Variants in TEKT5 observed in about 807,000 individuals in gnomAD.
TEKT5 encodes tektin-5.
In TEKT5, 52 loss-of-function variants were observed where a neutral mutation model predicts 48.7. The ratio of observed to expected loss-of-function variants is 1.07; its 90% confidence interval spans 0.86 to 1.35. TEKT5 has a LOEUF of 1.35. TEKT5 is among the 40% of genes most tolerant of loss of function. The pLI, the probability that TEKT5 is intolerant of heterozygous loss-of-function variation, is 0.00. For synonymous variants in TEKT5, 318 were observed against 267.6 expected, an observed-to-expected ratio of 1.19 and a Z score of -1.84; for missense variants, 831 against 641.6, an observed-to-expected ratio of 1.30 and a Z score of -3.19.
rs367588375 is a variant in TEKT5 at position 10,694,846 on chromosome 16, C to A, written c.28G>T (p.Ala10Ser). 7.6e-6 allele frequency: 12 copies of A among 1,584,630 alleles called. No homozygotes were observed. Among genetic ancestry groups the A allele is most frequent in the East Asian group, 4.5e-5 (2 of 44,806 alleles). Reference protein sequence around the residue: MEFLGTTQTASYCGPKKCCG... With the variant: MEFLGTTQTSSYCGPKKCCG... ...CATTTCTTGGGACCACAGTAACTGG[C>A]GGTCTGAGTAGTCCCAAGAAACTCC... The change falls in exon 1 of 7, where the codon GCC becomes TCC. Residue 10 changes from alanine to serine, a missense_variant. By Grantham distance (99) the Ala-to-Ser change is moderately conservative. Transcript: ENST00000283025.
At chr16:10,689,163 A>C (rs1596421799) in intron 3 of TEKT5, 90 bp downstream of exon 3, 1 of 995,194 alleles carries the variant, frequency 1.0e-6, no homozygotes, top group African/African-American at 1.7e-5. Flanking sequence ...ACCCAGAGAC[A>C]AGTGGGCCCA....
chr16:10,690,166 A>G (rs1477008468), intron 1 of TEKT5, 141 bp from the exon 2 acceptor site: 5 of 758,028 alleles, frequency 6.6e-6, no homozygotes, highest in Non-Finnish European at 1.1e-5. Flanking sequence ...ACTACTGGGC[A>G]TTGGATGGGC....
In TEKT5 at chr16:10,694,626, G is replaced by T; in HGVS notation, c.248C>A (p.Ser83Tyr). 6.2e-7 allele frequency: 1 copy of T among 1,612,590 alleles called. No homozygotes were observed. The highest frequency in any genetic ancestry group is 8.5e-7 in the Non-Finnish European group (1 of 1,179,252). ...RPPTILPTLR[S>Y]ALFSRYSPHD... The stretch of plus-strand genomic sequence containing the variant: ...GGGGCTATAGCGAGAGAAGAGTGCG[G>T]AGCGCAGTGTGGGCAGGATGGTGGG... The change falls in exon 1 of 7, where the codon TCC becomes TAC. Residue 83 changes from serine (S) to tyrosine (Y), a missense_variant. Ser to Tyr is a moderately radical substitution (Grantham distance 144). Coordinates refer to ENST00000283025, the MANE Select transcript of TEKT5 (RefSeq NM_144674.2).
At chr16:10,660,406 G>C (rs890179057) in intron 5 of TEKT5, among the ~76,000 whole-genome samples, 4 of 151,654 alleles carry the variant, frequency 2.6e-5, no homozygotes, top group African/African-American at 9.7e-5. Flanking sequence ...GCAGAATTCT[G>C]TGCAGGGTGT....
At chr16:10,637,050 C>T (rs1022234831) in intron 5 of TEKT5, among the ~76,000 whole-genome samples, 4 of 144,958 alleles carry the variant, frequency 2.8e-5, no homozygotes, top group South Asian at 4.3e-4. Flanking sequence ...GGTGCGATTT[C>T]GGCTCACTGC....
intron 3 of TEKT5, among the ~76,000 whole-genome samples, chr16:10,685,093 C>G (rs1032203714): frequency 2.6e-5 from 4 of 152,334 alleles, no homozygotes; most frequent in African/African-American, 4.8e-5. Context: ...CAGGAGTCAT[C>G]TGACACACAG....
At chr16:10,675,781 C>A (rs1439071249) in intron 5 of TEKT5, among the ~76,000 whole-genome samples, 178 bp downstream of exon 5, 1 of 152,082 alleles carries the variant, frequency 6.6e-6, no homozygotes, top group Non-Finnish European at 1.5e-5. Flanking sequence ...TGCTTAAATC[C>A]CCCCAGGAAG....
In TEKT5 at chr16:10,694,854, G is replaced by C; in HGVS notation, c.20C>G (p.Thr7Ser). 6.4e-7 allele frequency: 1 copy of C among 1,569,640 alleles called. No homozygotes were observed. The highest frequency in any genetic ancestry group is 8.6e-7 in the Non-Finnish European group (1 of 1,161,082). The part of the protein sequence containing the change: MEFLGT[T>S]QTASYCGPKK... ...GGGACCACAGTAACTGGCGGTCTGA[G>C]TAGTCCCAAGAAACTCCATCCTCCC... The change falls in exon 1 of 7, where the codon ACT (threonine) becomes AGT (serine). Residue 7 changes from threonine to serine, a missense_variant. Thr to Ser is a moderately conservative substitution (Grantham distance 58). Coordinates refer to ENST00000283025, the MANE Select transcript of TEKT5 (RefSeq NM_144674.2).
Position 10,635,931 on chromosome 16 carries a change from AC to A in TEKT5, c.1087-14del, listed in dbSNP as rs757992480. 54 of 1,612,570 alleles carry A rather than the reference AC, an allele frequency of 3.3e-5. No homozygotes were observed. The highest frequency in any genetic ancestry group is 4.2e-5 in the Non-Finnish European group (49 of 1,179,694). The stretch of plus-strand genomic sequence containing the variant: ...TCTCCTGCAGCGTCTGCGAGGGAAC[AC>A]ACAGGTGTCACCACCCACCAGGCCC... On this transcript the variant is annotated splice_polypyrimidine_tract_variant and intron_variant, in intron 5 of 6. Transcript: ENST00000283025.
intron 4 of TEKT5, 26 bp from the exon 5 acceptor site, chr16:10,676,207 A>C (rs1898644319): frequency 6.2e-7 from 1 of 1,611,764 alleles, no homozygotes; most frequent in South Asian, 1.1e-5. Flanking sequence ...GGTGAGTTGC[A>C]GCAGTCCTGG....
chr16:10,684,634 T>C (rs1213535204), intron 3 of TEKT5, among the ~76,000 whole-genome samples: 2 of 152,042 alleles, frequency 1.3e-5, no homozygotes, highest in African/African-American at 4.8e-5. Flanking sequence ...GAGGCCAGGA[T>C]GTGGAAAGCA....
At chr16:10,665,054 T>A (rs1020708817) in intron 5 of TEKT5, among the ~76,000 whole-genome samples, 8 of 152,014 alleles carry the variant, frequency 5.3e-5, no homozygotes, top group African/African-American at 1.4e-4. Flanking sequence ...TGCAATACAC[T>A]ATGGGTCTTA....
intron 6 of TEKT5, among the ~76,000 whole-genome samples, chr16:10,629,471 G>A (rs541680539): frequency 1.7e-4 from 26 of 152,052 alleles, no homozygotes; most frequent in Non-Finnish European, 2.9e-4. Flanking sequence ...GGCTGGTCTC[G>A]AACTCCTAAG....
intron 6 of TEKT5, 133 bp downstream of exon 6, chr16:10,635,631 G>T: frequency 1.5e-6 from 2 of 1,361,714 alleles, no homozygotes; most frequent in Non-Finnish European, 2.0e-6. Flanking sequence ...CTACTGAGTT[G>T]TGGGACTGGA....
At chr16:10,685,450 T>C (rs1199270074) in intron 3 of TEKT5, among the ~76,000 whole-genome samples, 1 of 152,074 alleles carries the variant, frequency 6.6e-6, no homozygotes, top group Admixed American at 6.6e-5. Flanking sequence ...GAGACATGTG[T>C]CACCACCCAG....
intron 5 of TEKT5, among the ~76,000 whole-genome samples, chr16:10,636,674 C>CATAT (rs987243721): frequency 1.3e-4 from 18 of 136,488 alleles, no homozygotes; most frequent in African/African-American, 4.7e-4. Flanking sequence ...TGGGTTTTTT[C>CATAT]ATATATACAT....
At chr16:10,639,902 G>A (rs528162165) in intron 5 of TEKT5, among the ~76,000 whole-genome samples, 25 of 152,228 alleles carry the variant, frequency 1.6e-4, no homozygotes, top group African/African-American at 5.8e-4. Context: ...TCCCAGATCT[G>A]CCTTGGGACT....
intron 5 of TEKT5, among the ~76,000 whole-genome samples, chr16:10,659,514 G>A (rs781765088): frequency 2.6e-5 from 4 of 152,132 alleles, no homozygotes; most frequent in East Asian, 1.9e-4. Flanking sequence ...CGAGTAGCTG[G>A]GACTACAGGT....
chr16:10,631,381 A>C (rs2142254793), intron 6 of TEKT5, among the ~76,000 whole-genome samples: 4 of 145,770 alleles, frequency 2.7e-5, no homozygotes, highest in South Asian at 2.1e-4. Flanking sequence ...AAACAGGGGA[A>C]TGGCATGCTG....
Sources: allele counts gnomAD v4.1 joint callset (sites outside exome capture counted in the v4.1 genomes callset), GRCh38; gene constraint gnomAD v4.1.1; transcripts MANE v1.5; gene names NCBI Gene and HGNC (gene_info 2026-07-23, HGNC 2026-07-21).